VIT: variants seen among roughly 807,000 people sequenced by gnomAD.
The protein encoded by VIT is vitrin.
In VIT, 99 loss-of-function variants were observed where a neutral mutation model predicts 78.0. That is an observed-to-expected ratio of 1.27 (90% CI 1.08 to 1.50). The LOEUF (loss-of-function observed/expected upper bound fraction) is 1.50. Ranked by LOEUF, VIT falls within the 40% of genes most tolerant of loss-of-function variation. VIT has a pLI of 0.00. For missense variants in VIT, 1,126 were observed against 875.3 expected, an observed-to-expected ratio of 1.29 and a Z score of -3.61; for synonymous variants, 374 against 334.3, an observed-to-expected ratio of 1.12 and a Z score of -1.29.
intron 4 of VIT, among the ~76,000 whole-genome samples, chr2:36,750,267 T>A (rs1668377234): frequency 6.6e-6 from 1 of 152,232 alleles, no homozygotes; most frequent in South Asian, 2.1e-4. Flanking sequence ...CATACATGCC[T>A]CCCACACATA....
chr2:36,759,096 G>A (rs188101772), intron 6 of VIT, 50 bp downstream of exon 6: 113 of 1,614,162 alleles, frequency 7.0e-5, no homozygotes, highest in African/African-American at 6.3e-4. Context: ...CCATGAACAC[G>A]CGACGTGTTT....
rs556018940 is a variant in VIT, at chr2:36,706,573, C to T, written c.-19+9600C>T. 2.3e-4 allele frequency among the ~76,000 whole-genome samples: 35 copies of T among 152,292 alleles called. 1 individual carries two copies. The highest frequency in any genetic ancestry group is 3.4e-3 in the Middle Eastern group (1 of 294). On this transcript the variant is annotated intron_variant, in intron 1 of 15. Coordinates refer to ENST00000379242, the MANE Select transcript of VIT (RefSeq NM_053276.4). ...GTCCTCTTATACATCTTATTCAGGG[C>T]CCCATATGACCTGCAACTTGGCGCT...
intron 3 of VIT, among the ~76,000 whole-genome samples, chr2:36,736,871 A>C (rs1390796419): frequency 1.3e-5 from 2 of 152,048 alleles, no homozygotes; most frequent in Non-Finnish European, 2.9e-5. Context: ...ACCCTGAAAA[A>C]CCTTTCATAA....
intron 1 of VIT, among the ~76,000 whole-genome samples, chr2:36,698,972 G>GAAAAT (rs1170098675): frequency 1.7e-4 from 26 of 150,992 alleles, no homozygotes; most frequent in Middle Eastern, 3.4e-3. Context: ...GAAAAGAAAA[G>GAAAAT]AAATGTAATC....
At chr2:36,766,508 G>A (rs1323663649) in intron 6 of VIT, among the ~76,000 whole-genome samples, 2 of 152,144 alleles carry the variant, frequency 1.3e-5, no homozygotes, top group African/African-American at 4.8e-5. Context: ...TGCAGCCTGG[G>A]TGACAGAGCA....
intron 2 of VIT, among the ~76,000 whole-genome samples, chr2:36,718,588 C>T (rs1002770684): frequency 3.9e-5 from 6 of 152,196 alleles, no homozygotes; most frequent in African/African-American, 9.7e-5. Context: ...AGGCCACAAA[C>T]AATGCCCTCT....
At chr2:36,808,224 C>T (rs1283952020) in intron 14 of VIT, among the ~76,000 whole-genome samples, 1 of 152,232 alleles carries the variant, frequency 6.6e-6, no homozygotes, top group East Asian at 1.9e-4. Flanking sequence ...ATTTGCTTAG[C>T]AGACAGCTTT....
chr2:36,733,312 C>A (rs1667315258), intron 3 of VIT, among the ~76,000 whole-genome samples: 1 of 152,134 alleles, frequency 6.6e-6, no homozygotes, highest in African/African-American at 2.4e-5. Flanking sequence ...CTGTGCATCT[C>A]TCTCTTTCTC....
intron 1 of VIT, among the ~76,000 whole-genome samples, chr2:36,709,599 T>A (rs1313239632): frequency 2.0e-5 from 3 of 152,156 alleles, no homozygotes; most frequent in Non-Finnish European, 2.9e-5. Context: ...AATTTTGGTT[T>A]TAGGAAATCA....
At chr2:36,764,974 T>G (rs1488055727) in intron 6 of VIT, among the ~76,000 whole-genome samples, 1 of 151,724 alleles carries the variant, frequency 6.6e-6, no homozygotes, top group African/African-American at 2.4e-5. Context: ...CAAAAATGTA[T>G]CAACCCCAAG....
intron 12 of VIT, chr2:36,788,150 G>A (rs1264550343): frequency 9.7e-6 from 2 of 207,094 alleles, no homozygotes; most frequent in Non-Finnish European, 2.0e-5. Context: ...CTTCTACAAA[G>A]GACCAGTGGG....
In VIT at chr2:36,767,013, A is replaced by G. The variant is rs551571090; in HGVS notation, c.488-81A>G. Reference sequence around the variant, plus strand: ...GCTCTGTGCTCATAGCTAGTGTTCAATCAACATTTATTTTATTTCTAGTTC... The same window carrying G: ...GCTCTGTGCTCATAGCTAGTGTTCAGTCAACATTTATTTTATTTCTAGTTC... On this transcript the variant is annotated intron_variant, in intron 6 of 15. Coordinates refer to ENST00000379242, the MANE Select transcript of VIT (RefSeq NM_053276.4). 269 of 1,397,290 alleles carry G rather than the reference A, an allele frequency of 1.9e-4. 2 individuals carry two copies. The African/African-American group carries it at 3.6e-3, about 19-fold the overall frequency. 86.6% of individuals were successfully genotyped at this position (1,397,290 alleles called of 1,614,324 possible).
At chr2:36,798,434 A>G (rs1666064767) in intron 12 of VIT, among the ~76,000 whole-genome samples, 2 of 152,206 alleles carry the variant, frequency 1.3e-5, no homozygotes, top group Non-Finnish European at 2.9e-5. Context: ...GTAAAAGTGT[A>G]CATAGCATTT....
intron 12 of VIT, among the ~76,000 whole-genome samples, chr2:36,797,208 G>A: frequency 6.6e-6 from 1 of 151,828 alleles, no homozygotes; most frequent in Middle Eastern, 3.2e-3. Context: ...CTCTTAAAGT[G>A]AAGATCACAA....
intron 3 of VIT, among the ~76,000 whole-genome samples, chr2:36,736,736 A>C (rs898177751): frequency 5.3e-5 from 8 of 152,210 alleles, no homozygotes; most frequent in African/African-American, 1.9e-4. Context: ...TCCCCAACAC[A>C]CACTCAGAAG....
chr2:36,720,627 C>G (rs1472257264), intron 2 of VIT, among the ~76,000 whole-genome samples: 1 of 152,142 alleles, frequency 6.6e-6, no homozygotes, highest in East Asian at 1.9e-4. Context: ...ATCGAATCTA[C>G]AAAAGCCAAA....
intron 1 of VIT, among the ~76,000 whole-genome samples, chr2:36,705,829 C>T (rs1297484056): frequency 1.3e-5 from 2 of 152,300 alleles, no homozygotes; most frequent in East Asian, 3.9e-4. Flanking sequence ...TCAGCCCTGG[C>T]GCTATTGGCC....
chr2:36,744,208 C>A (rs998484976), intron 4 of VIT, among the ~76,000 whole-genome samples: 14 of 152,182 alleles, frequency 9.2e-5, no homozygotes, highest in African/African-American at 3.4e-4. Flanking sequence ...TAATCCATCA[C>A]TGATAGACAC....
Position 36,808,569 on chromosome 2 carries a change from C to T in VIT, c.1487C>T (p.Thr496Ile). 2 of 1,614,170 alleles carry T rather than the reference C, an allele frequency of 1.2e-6. No individual in the cohort carries two copies. Among genetic ancestry groups the T allele is most frequent in the South Asian group, 1.1e-5 (1 of 91,088 alleles). Reference protein sequence around the residue: ...LQPLVKRVCDTDRLACSKTCL... With the variant: ...LQPLVKRVCDIDRLACSKTCL... ...CCTCTGGTGAAGCGGGTCTGCGACA[C>T]TGACCGCCTGGCCTGCAGCAAGACC... Residue 496 changes from threonine (T) to isoleucine (I), a missense_variant, in exon 15 of 16, where the codon ACT (threonine) becomes ATT (isoleucine). Coordinates refer to ENST00000379242, the MANE Select transcript of VIT (RefSeq NM_053276.4).
Sources: gnomAD v4.1 joint callset for allele counts (sites outside exome capture counted in the v4.1 genomes callset) on GRCh38, gnomAD v4.1.1 for gene constraint, MANE v1.5 for transcripts, NCBI Gene and HGNC (gene_info 2026-07-23, HGNC 2026-07-21) for gene names.